ZNF138: variants seen among roughly 807,000 people sequenced by gnomAD.
The protein encoded by ZNF138 is zinc finger protein 138, also known as zinc finger protein 138 (clone pHZ-32).
ZNF138 carries 33 observed loss-of-function variants against 33.0 expected under a neutral mutation model. The ratio of observed to expected loss-of-function variants is 1.00; its 90% CI spans 0.76 to 1.34. ZNF138 has a LOEUF of 1.34. Ranked by LOEUF, ZNF138 falls within the 40% of genes most tolerant of loss-of-function variation. The pLI, the probability that ZNF138 is intolerant of heterozygous loss-of-function variation, is 0.00. For synonymous variants in ZNF138, 139 were observed against 120.4 expected (o/e 1.15, Z -1.01); for missense variants, 360 against 370.8 (o/e 0.97, Z 0.24).
intron 3 of ZNF138, among the ~76,000 whole-genome samples, chr7:64,829,297 T>C (rs1436067966): frequency 1.3e-5 from 2 of 151,866 alleles, no homozygotes; most frequent in South Asian, 2.1e-4. Flanking sequence ...AGTATTAAAA[T>C]ACTCTACTGT....
intron 3 of ZNF138, among the ~76,000 whole-genome samples, chr7:64,818,474 G>C (rs147263286): frequency 5.9e-5 from 9 of 152,142 alleles, no homozygotes; most frequent in African/African-American, 1.7e-4. Context: ...TTGTTGAGCC[G>C]GATGTGGTGG....
At chr7:64,852,820 A>G in the ZNF138 span, 2 of 844,632 alleles carry the variant, frequency 2.4e-6, no homozygotes, top group Non-Finnish European at 4.2e-6. Context: ...CACTGGGCTG[A>G]CAGACAGTGG....
chr7:64,853,116 A>G, the ZNF138 span: 2 of 1,433,398 alleles, frequency 1.4e-6, no homozygotes, highest in Non-Finnish European at 2.0e-6. Flanking sequence ...GTTTGAACCA[A>G]GGAAAGCCCA....
chr7:64,847,483 T>C, the ZNF138 span, among the ~76,000 whole-genome samples: 1 of 151,972 alleles, frequency 6.6e-6, no homozygotes, highest in African/African-American at 2.4e-5. Flanking sequence ...TGTTGCTGTC[T>C]ATCTCATTTC....
Position 64,832,664 on chromosome 7 carries a change from C to A in ZNF138, c.*462C>A, listed in dbSNP as rs1976918. The stretch of plus-strand genomic sequence containing the variant: ...AGAAAATTCATAGTAAAGAGAAACC[C>A]TACAAATGTGAACAGTGTGGCAAGG... On this transcript the variant is annotated 3_prime_UTR_variant, in exon 4 of 4. Transcript: ENST00000307355. 2.3e-6 allele frequency: 1 copy of A among 437,986 alleles called. No individual in the cohort carries two copies. Among genetic ancestry groups the A allele is most frequent in the Non-Finnish European group, 4.6e-6 (1 of 219,776 alleles). The allele number at this position is 437,986 out of a possible 1,614,324, so 27.1% of individuals were successfully genotyped here.
Position 64,832,927 on chromosome 7 carries a change from A to T in ZNF138, c.*725A>T, listed in dbSNP as rs1562929335. 2.6e-6 allele frequency: 1 copy of T among 387,656 alleles called. No individual in the cohort carries two copies. Among genetic ancestry groups the T allele is most frequent in the East Asian group, 6.9e-5 (1 of 14,422 alleles). 24.0% of individuals were successfully genotyped at this position (387,656 alleles called of 1,614,324 possible). ...ACTTGAATGAAACCCTACAAATGTG[A>T]ACGATGTGGCAGTTGTTTTAACTAG... On this transcript the variant is annotated 3_prime_UTR_variant, in exon 4 of 4. Coordinates refer to ENST00000307355, the MANE Select transcript of ZNF138 (RefSeq NM_001271639.2).
the ZNF138 span, chr7:64,852,518 C>T: frequency 6.4e-7 from 1 of 1,574,012 alleles, no homozygotes; most frequent in Non-Finnish European, 8.7e-7. Flanking sequence ...CCCAATAATC[C>T]ATGCTTGGTG....
chr7:64,838,445 T>G (rs1790426651), downstream of ZNF138, among the ~76,000 whole-genome samples: 1 of 152,086 alleles, frequency 6.6e-6, no homozygotes, highest in Admixed American at 6.6e-5. Flanking sequence ...TTGAAGCAGG[T>G]GCCAGACGGG....
chr7:64,827,490 C>T (rs367859386), intron 3 of ZNF138, among the ~76,000 whole-genome samples: 13 of 150,536 alleles, frequency 8.6e-5, no homozygotes, highest in East Asian at 8.0e-4. Flanking sequence ...GTGATCCATC[C>T]GCCTCGGCCT....
intron 1 of ZNF138, among the ~76,000 whole-genome samples, chr7:64,802,997 T>C (rs1289697846): frequency 6.6e-6 from 1 of 152,130 alleles, no homozygotes; most frequent in South Asian, 2.1e-4. Flanking sequence ...TACATAACAA[T>C]TGTGTACTTC....
intron 3 of ZNF138, among the ~76,000 whole-genome samples, chr7:64,821,871 T>C (rs1356874836): frequency 6.6e-6 from 1 of 150,900 alleles, no homozygotes; most frequent in Non-Finnish European, 1.5e-5. Context: ...GTTGTTTATG[T>C]ATTCTGAATA....
intron 1 of ZNF138, among the ~76,000 whole-genome samples, chr7:64,812,920 C>T (rs940280878): frequency 2.0e-5 from 3 of 150,992 alleles, no homozygotes; most frequent in Non-Finnish European, 4.4e-5. Context: ...TCCTGGAATG[C>T]CATGCGTTTA....
At chr7:64,808,071 A>G (rs890081060) in intron 1 of ZNF138, among the ~76,000 whole-genome samples, 1 of 152,220 alleles carries the variant, frequency 6.6e-6, no homozygotes, top group Non-Finnish European at 1.5e-5. Flanking sequence ...ATCCTTAAGC[A>G]ATCAGCCTAG....
chr7:64,843,198 A>C, the ZNF138 span, among the ~76,000 whole-genome samples: 1 of 152,170 alleles, frequency 6.6e-6, no homozygotes, highest in Non-Finnish European at 1.5e-5. Flanking sequence ...TATATACCAC[A>C]TTGTCTTTAT....
chr7:64,857,659 T>TAAA, the ZNF138 span, among the ~76,000 whole-genome samples: 12 of 484 alleles, frequency 0.025, 2 homozygotes, highest in African/African-American at 0.026. Context: ...AAAATAAATT[T>TAAA]AAAAAAAAAA....
intron 1 of ZNF138, among the ~76,000 whole-genome samples, chr7:64,802,917 T>TAA (rs200422747): frequency 1.1e-4 from 16 of 146,058 alleles, no homozygotes; most frequent in South Asian, 4.3e-4. Flanking sequence ...TGTCTTATGT[T>TAA]AAAAAAAAAA....
chr7:64,797,381 C>CATATAAGGGAAG (rs1786772961), intron 1 of ZNF138, among the ~76,000 whole-genome samples: 1 of 152,042 alleles, frequency 6.6e-6, no homozygotes, highest in Non-Finnish European at 1.5e-5. Context: ...AATTTCCTTC[C>CATATAAGGGAAG]CTTATATAAA....
At chr7:64,847,332 A>ATATATATATATTTTTT in the ZNF138 span, among the ~76,000 whole-genome samples, 2 of 128,128 alleles carry the variant, frequency 1.6e-5, no homozygotes, top group African/African-American at 5.9e-5. Context: ...ATATATATAT[A>ATATATATATATTTTTT]TTTTTTTTTT....
chr7:64,825,341 T>G (rs1789502601), intron 3 of ZNF138, among the ~76,000 whole-genome samples: 1 of 149,922 alleles, frequency 6.7e-6, no homozygotes, highest in Non-Finnish European at 1.5e-5. Flanking sequence ...GCCGGCTAAT[T>G]TTTTGTATTT....
Sources: allele counts gnomAD v4.1 joint callset (sites outside exome capture counted in the v4.1 genomes callset), GRCh38; gene constraint gnomAD v4.1.1; transcripts MANE v1.5; gene names NCBI Gene and HGNC (gene_info 2026-07-23, HGNC 2026-07-21).